MEDAG: variants seen among roughly 807,000 people sequenced by gnomAD.
The protein encoded by MEDAG is mesenteric estrogen-dependent adipogenesis protein.
In MEDAG, 25 loss-of-function variants were observed where a neutral mutation model predicts 29.9. That is an observed-to-expected ratio of 0.84 (90% CI 0.61 to 1.17). MEDAG has a LOEUF of 1.17. Ranked by LOEUF, MEDAG falls within the 50% of genes most tolerant of loss-of-function variation. The pLI, the probability that MEDAG is intolerant of heterozygous loss-of-function variation, is 0.00. For synonymous variants in MEDAG, 158 were observed against 148.2 expected (o/e 1.07, Z -0.48); for missense variants, 398 against 372.9 (o/e 1.07, Z -0.56).
intron 1 of MEDAG, among the ~76,000 whole-genome samples, chr13:30,914,890 A>T (rs1952912423): frequency 6.6e-6 from 1 of 152,218 alleles, no homozygotes; most frequent in Admixed American, 6.5e-5. Flanking sequence ...TGCGCTTTCC[A>T]TTAAGAATGA....
At position 30,917,383 on chromosome 13, in the gene MEDAG, T is replaced by C; in HGVS notation, c.279-20T>C. 3 of 1,358,808 alleles carry C rather than the reference T, an allele frequency of 2.2e-6. No individual in the cohort carries two copies. Among genetic ancestry groups the C allele is most frequent in the Non-Finnish European group, 3.2e-6 (3 of 947,256 alleles). 84.2% of individuals were successfully genotyped at this position (1,358,808 alleles called of 1,614,324 possible). On this transcript the variant is annotated intron_variant, in intron 1 of 4. Transcript: ENST00000380482. ...ATGAAAGGGTACGTTACATTTGCAATGATCTCTGCTTCTTCATAGGTATGT... is the reference window on the plus strand; with the variant it reads ...ATGAAAGGGTACGTTACATTTGCAACGATCTCTGCTTCTTCATAGGTATGT...
chr13:30,923,086 A>G (rs1436115982), intron 4 of MEDAG, among the ~76,000 whole-genome samples: 3 of 151,930 alleles, frequency 2.0e-5, no homozygotes, highest in Admixed American at 1.3e-4. Context: ...ATACCCAGCT[A>G]ATTTTTGTGG....
intron 4 of MEDAG, chr13:30,922,731 T>C (rs944010889): frequency 2.6e-5 from 4 of 152,262 alleles, no homozygotes; most frequent in Non-Finnish European, 5.9e-5. Flanking sequence ...TGGATCTGTC[T>C]TCTGCAGAGC....
At chr13:30,911,119 C>T (rs1317917350) in intron 1 of MEDAG, among the ~76,000 whole-genome samples, 1 of 152,194 alleles carries the variant, frequency 6.6e-6, no homozygotes, top group Non-Finnish European at 1.5e-5. Context: ...CATGGGACTC[C>T]ATTTCCTCAA....
At chr13:30,913,094 G>T (rs1470357131) in intron 1 of MEDAG, among the ~76,000 whole-genome samples, 4 of 152,254 alleles carry the variant, frequency 2.6e-5, no homozygotes, top group Non-Finnish European at 5.9e-5. Context: ...ATAGTGAGTT[G>T]TGGCTCTGGA....
At chr13:30,924,140 C>A (rs1953017117) in intron 4 of MEDAG, among the ~76,000 whole-genome samples, 171 bp from the exon 5 acceptor site, 1 of 152,152 alleles carries the variant, frequency 6.6e-6, no homozygotes, top group Non-Finnish European at 1.5e-5. Context: ...TCTTGTCCCA[C>A]TAATAAAGAA....
chr13:30,910,647 G>T (rs1952873535), intron 1 of MEDAG, among the ~76,000 whole-genome samples: 1 of 152,218 alleles, frequency 6.6e-6, no homozygotes, highest in East Asian at 1.9e-4. Context: ...TGTACAATCA[G>T]CCTACAAAAG....
rs150178788 is a variant in MEDAG, at chr13:30,921,676, A to G, written c.617A>G (p.Tyr206Cys). Residue 206 changes from tyrosine to cysteine, a missense_variant, in exon 4 of 5, where the codon TAT becomes TGT. Coordinates refer to ENST00000380482, the MANE Select transcript of MEDAG (RefSeq NM_032849.4). Reference protein sequence around the residue: ...FKADALFDFFYWFGLSNSVVK... With the variant: ...FKADALFDFFCWFGLSNSVVK... ...GCTGATGCATTATTTGATTTCTTCT[A>G]TTGGTTTGGGCTCAGTAATTCCGTT... is the stretch of plus-strand genomic sequence containing the variant. 211 of 1,613,956 alleles carry G rather than the reference A, an allele frequency of 1.3e-4. 1 individual carries two copies. The highest frequency in any genetic ancestry group is 1.2e-4 in the African/African-American group (9 of 74,934).
rs955749627 is a variant in MEDAG, at chr13:30,906,748, T to A, written c.233T>A (p.Val78Glu). 2.7e-5 allele frequency: 41 copies of A among 1,511,772 alleles called. No homozygotes were observed. The highest frequency in any genetic ancestry group is 3.2e-5 in the Non-Finnish European group (37 of 1,139,662). The allele number at this position is 1,511,772 out of a possible 1,614,324, so 93.6% of individuals were successfully genotyped here. Residue 78 changes from valine to glutamate, a missense_variant, in exon 1 of 5, where the codon GTG (valine) becomes GAG (glutamate). By Grantham distance (121) the Val-to-Glu change is moderately radical. Transcript: ENST00000380482. ...TTCAACGTCTTCGGTGACGGCCTCG[T>A]GCGCCTCGACGGGCAGCTCTACCGC... ...GGFNVFGDGL[V>E]RLDGQLYRLS...
chr13:30,925,412 A>T lies in MEDAG; in HGVS notation c.*977A>T, dbSNP rs1435295826. 4 of 152,208 alleles carry T rather than the reference A, an allele frequency of 2.6e-5. No individual in the cohort carries two copies. The East Asian group carries it at 7.7e-4, about 29-fold the overall frequency. 9.4% of individuals were successfully genotyped at this position (152,208 alleles called of 1,614,324 possible). ...AGGAAGAGTTATGGGTCCTGAGTGT[A>T]ATTTTTTATCCTTTCTTAAAAAGTT... is the stretch of plus-strand genomic sequence containing the variant. On this transcript the variant is annotated 3_prime_UTR_variant, in exon 5 of 5. Coordinates refer to ENST00000380482, the MANE Select transcript of MEDAG (RefSeq NM_032849.4).
At chr13:30,923,510 T>C (rs1009764982) in intron 4 of MEDAG, among the ~76,000 whole-genome samples, 3 of 152,178 alleles carry the variant, frequency 2.0e-5, no homozygotes. Context: ...CTTCCCATGT[T>C]GTTTCAGCTT....
At chr13:30,918,049 G>T (rs753800883) in intron 2 of MEDAG, among the ~76,000 whole-genome samples, 1 of 152,162 alleles carries the variant, frequency 6.6e-6, no homozygotes, top group Non-Finnish European at 1.5e-5. Flanking sequence ...GCACATGCCT[G>T]CAGAACAAAC....
At position 30,906,285 on chromosome 13, in the gene MEDAG, G is replaced by A. The variant is rs1952827165; in HGVS notation, c.-231G>A. On this transcript the variant is annotated 5_prime_UTR_variant, in exon 1 of 5. The change creates a new upstream start codon in the 5' untranslated region. Coordinates refer to ENST00000380482, the MANE Select transcript of MEDAG (RefSeq NM_032849.4). ...GCGCCGGGGCCGCTTTCTCCGCGCG[G>A]TGCCTGCAGGGCTCCCAGCGAGTGG... is the stretch of plus-strand genomic sequence containing the variant. 7.6e-6 allele frequency: 3 copies of A among 396,518 alleles called. No homozygotes were observed. Among genetic ancestry groups the A allele is most frequent in the Non-Finnish European group, 4.4e-6 (1 of 226,892 alleles). The allele number at this position is 396,518 out of a possible 1,614,324, so 24.6% of individuals were successfully genotyped here.
At chr13:30,922,124 G>A in intron 4 of MEDAG, 1 of 247,464 alleles carries the variant, frequency 4.0e-6, no homozygotes, top group East Asian at 8.6e-5. Flanking sequence ...AATGAGTATT[G>A]ATGATCATTT....
chr13:30,919,923 C>G (rs1040476907), intron 2 of MEDAG, among the ~76,000 whole-genome samples: 1 of 152,172 alleles, frequency 6.6e-6, no homozygotes, highest in Non-Finnish European at 1.5e-5. Flanking sequence ...AGTAAACAAC[C>G]TTCTTTTGGC....
At chr13:30,920,680 T>C (rs973998751) in intron 2 of MEDAG, among the ~76,000 whole-genome samples, 2 of 152,178 alleles carry the variant, frequency 1.3e-5, no homozygotes, top group African/African-American at 4.8e-5. Flanking sequence ...CCATAATGGA[T>C]ACATGCTGTG....
At chr13:30,915,636 T>C (rs1484464272) in intron 1 of MEDAG, among the ~76,000 whole-genome samples, 1 of 152,126 alleles carries the variant, frequency 6.6e-6, no homozygotes, top group African/African-American at 2.4e-5. Flanking sequence ...CTCTCCCAGC[T>C]GATGTGCAAC....
At chr13:30,917,985 C>G (rs1198645771) in intron 2 of MEDAG, among the ~76,000 whole-genome samples, 1 of 152,140 alleles carries the variant, frequency 6.6e-6, no homozygotes, top group Admixed American at 6.6e-5. Context: ...CAGAAATCAG[C>G]TTGTGACAAG....
At chr13:30,915,713 G>A (rs1365847651) in intron 1 of MEDAG, among the ~76,000 whole-genome samples, 1 of 151,998 alleles carries the variant, frequency 6.6e-6, no homozygotes, top group African/African-American at 2.4e-5. Context: ...GTTCTGCCCA[G>A]GTGAGGATGA....
Sources: allele counts gnomAD v4.1 joint callset (sites outside exome capture counted in the v4.1 genomes callset), GRCh38; gene constraint gnomAD v4.1.1; transcripts MANE v1.5; gene names NCBI Gene and HGNC (gene_info 2026-07-23, HGNC 2026-07-21).